The following NOS1AP variants were observed in gnomAD, a reference collection of about 807,000 sequenced individuals.
NOS1AP encodes the protein nitric oxide synthase 1 adaptor protein, also known as carboxyl-terminal PDZ ligand of neuronal nitric oxide synthase protein.
In NOS1AP, 21 loss-of-function variants were observed where a neutral mutation model predicts 56.2. That is an observed-to-expected ratio of 0.37 (90% CI 0.26 to 0.54). The LOEUF (loss-of-function observed/expected upper bound fraction) is 0.54. NOS1AP is among the 20% of genes least tolerant of loss of function. The pLI, the probability that NOS1AP is intolerant of heterozygous loss-of-function variation, is 0.84. For missense variants in NOS1AP, 522 were observed against 657.8 expected (o/e 0.79, Z 2.26); for synonymous variants, 270 against 274.6 (o/e 0.98, Z 0.17).
chr1:162,319,231 A>G (rs931976087), intron 4 of NOS1AP, among the ~76,000 whole-genome samples: 1 of 152,212 alleles, frequency 6.6e-6, no homozygotes, highest in African/African-American at 2.4e-5. Flanking sequence ...TGTAAGCAGC[A>G]GAATGGGGAT....
intron 1 of NOS1AP, among the ~76,000 whole-genome samples, chr1:162,142,309 A>G (rs1384706523): frequency 6.6e-6 from 1 of 152,224 alleles, no homozygotes; most frequent in Non-Finnish European, 1.5e-5. Flanking sequence ...TCTTAAAGGA[A>G]AAACATTCAG....
chr1:162,255,423 G>C (rs1395239943), intron 2 of NOS1AP, among the ~76,000 whole-genome samples: 1 of 147,980 alleles, frequency 6.8e-6, no homozygotes, highest in Non-Finnish European at 1.5e-5. Context: ...TACTGTTTCA[G>C]GTCAGGAGAC....
chr1:162,210,752 G>T (rs1192774312), intron 2 of NOS1AP, among the ~76,000 whole-genome samples: 1 of 152,234 alleles, frequency 6.6e-6, no homozygotes, highest in East Asian at 1.9e-4. Flanking sequence ...AGATCCATTT[G>T]CTCTGGTTGG....
chr1:162,166,053 C>T (rs1336983039), intron 2 of NOS1AP, among the ~76,000 whole-genome samples: 1 of 152,224 alleles, frequency 6.6e-6, no homozygotes, highest in Non-Finnish European at 1.5e-5. Context: ...TTCTCTGTCA[C>T]TACCCCTGGC....
intron 3 of NOS1AP, among the ~76,000 whole-genome samples, chr1:162,290,896 A>G (rs1655264947): frequency 6.6e-6 from 1 of 152,142 alleles, no homozygotes; most frequent in Non-Finnish European, 1.5e-5. Context: ...GAAGAGTTCA[A>G]TTAGGTGATC....
intron 1 of NOS1AP, among the ~76,000 whole-genome samples, chr1:162,145,767 G>A (rs984253577): frequency 7.9e-5 from 12 of 152,272 alleles, no homozygotes; most frequent in Admixed American, 5.2e-4. Flanking sequence ...TTCTAGGCAC[G>A]ACCAGGGTAT....
At chr1:162,118,426 G>T (rs536122214) in intron 1 of NOS1AP, among the ~76,000 whole-genome samples, 2 of 152,118 alleles carry the variant, frequency 1.3e-5, no homozygotes, top group Non-Finnish European at 2.9e-5. Flanking sequence ...TGCTGCAAAC[G>T]ACATGATTTC....
rs530681530 is a variant in NOS1AP, at chr1:162,154,468, C to T, written c.169C>T (p.Arg57Trp). ...SRVEIVAAMR[R>W]IRYEFKAKNI... ...GGTGGAGATCGTGGCTGCCATGCGC[C>T]GGATACGGGTGAGTGGCCAGAGGTG... Residue 57 changes from arginine to tryptophan, a missense_variant, in exon 2 of 10, where the codon CGG becomes TGG. Physicochemically the swap from Arg to Trp is moderately radical, Grantham distance 101 (BLOSUM62 -3). Coordinates refer to ENST00000361897, the MANE Select transcript of NOS1AP (RefSeq NM_014697.3). 3.1e-6 allele frequency: 5 copies of T among 1,613,970 alleles called. No individual in the cohort carries two copies. The highest frequency in any genetic ancestry group is 4.2e-6 in the Non-Finnish European group (5 of 1,179,948).
chr1:162,354,234 A>G (rs1406985678), intron 6 of NOS1AP, among the ~76,000 whole-genome samples: 4 of 152,216 alleles, frequency 2.6e-5, no homozygotes, highest in Non-Finnish European at 5.9e-5. Context: ...GTTCCATTTT[A>G]TAATTGGTGC....
intron 2 of NOS1AP, among the ~76,000 whole-genome samples, chr1:162,214,772 A>G (rs1652500453): frequency 6.6e-6 from 1 of 152,140 alleles, no homozygotes; most frequent in Admixed American, 6.5e-5. Flanking sequence ...TTCGGTCTGG[A>G]AATAGCTACT....
intron 1 of NOS1AP, among the ~76,000 whole-genome samples, chr1:162,090,375 A>G (rs1692105328): frequency 6.6e-6 from 1 of 151,938 alleles, no homozygotes; most frequent in African/African-American, 2.4e-5. Context: ...TTTGTAAAAA[A>G]AAAAAAAGTC....
chr1:162,277,192 T>C (rs1002242398), intron 2 of NOS1AP, among the ~76,000 whole-genome samples: 3 of 152,160 alleles, frequency 2.0e-5, no homozygotes, highest in African/African-American at 7.2e-5. Context: ...AGCACCAGTT[T>C]AGAGAATCAT....
At chr1:162,170,642 A>G (rs991646898) in intron 2 of NOS1AP, among the ~76,000 whole-genome samples, 2 of 152,146 alleles carry the variant, frequency 1.3e-5, no homozygotes, top group African/African-American at 4.8e-5. Context: ...AAACCAAGGA[A>G]CAGGCCAGGC....
At chr1:162,150,532 C>T (rs1649663359) in intron 1 of NOS1AP, among the ~76,000 whole-genome samples, 1 of 152,172 alleles carries the variant, frequency 6.6e-6, no homozygotes, top group Non-Finnish European at 1.5e-5. Flanking sequence ...TTTTGAGGAA[C>T]CTCCAAACTG....
intron 2 of NOS1AP, among the ~76,000 whole-genome samples, chr1:162,160,854 A>C (rs1182624325): frequency 6.6e-6 from 1 of 152,186 alleles, no homozygotes. Flanking sequence ...GGCTTAACAC[A>C]AACTTACAGT....
chr1:162,266,118 C>A (rs1053398800), intron 2 of NOS1AP, among the ~76,000 whole-genome samples: 1 of 152,044 alleles, frequency 6.6e-6, no homozygotes, highest in Non-Finnish European at 1.5e-5. Context: ...CTCATGGCTG[C>A]GTAAGTTGCA....
In NOS1AP at chr1:162,092,192, C is replaced by T. The variant is rs58662848; in HGVS notation, c.105+21910C>T. Among the ~76,000 whole-genome samples, 973 of 152,172 alleles carry T rather than the reference C, an allele frequency of 6.4e-3. 5 individuals are homozygous for T. Among genetic ancestry groups the T allele is most frequent in the African/African-American group, 0.022 (920 of 41,520 alleles). On this transcript the variant is annotated intron_variant, in intron 1 of 9. Transcript: ENST00000361897. The stretch of plus-strand genomic sequence containing the variant: ...AATGAGTAAACAGACTATTGTAAAA[C>T]GAAGAGGACTTTTATAGAGTAAATT...
intron 4 of NOS1AP, among the ~76,000 whole-genome samples, chr1:162,325,567 G>C (rs959693888): frequency 6.6e-6 from 1 of 152,084 alleles, no homozygotes; most frequent in Non-Finnish European, 1.5e-5. Context: ...GGGCTGGGAC[G>C]CTTAGGGAAC....
At chr1:162,264,415 C>CTT (rs1382412602) in intron 2 of NOS1AP, among the ~76,000 whole-genome samples, 1 of 2,514 alleles carries the variant, frequency 4.0e-4, no homozygotes, top group Non-Finnish European at 2.3e-3. Flanking sequence ...CTTCTCTTCC[C>CTT]TTCTCTTCCC....
Sources: allele counts gnomAD v4.1 joint callset (sites outside exome capture counted in the v4.1 genomes callset), GRCh38; gene constraint gnomAD v4.1.1; transcripts MANE v1.5; gene names NCBI Gene and HGNC (gene_info 2026-07-23, HGNC 2026-07-21).